ATP8A1: variants seen among roughly 807,000 people sequenced by gnomAD.
ATP8A1 encodes the protein ATPase phospholipid transporting 8A1.
ATP8A1 carries 90 observed loss-of-function variants against 177.7 expected under a neutral mutation model. That is an observed-to-expected ratio of 0.51 (90% CI 0.43 to 0.60). ATP8A1 has a LOEUF of 0.60. ATP8A1 is among the 20% of genes least tolerant of loss of function. ATP8A1 has a pLI of 0.00. For synonymous variants in ATP8A1, 493 were observed against 485.9 expected (o/e 1.01, Z -0.19); for missense variants, 1,072 against 1,392.8 (o/e 0.77, Z 3.67).
intron 33 of ATP8A1, among the ~76,000 whole-genome samples, chr4:42,434,533 T>G (rs1406862591): frequency 6.6e-6 from 1 of 152,228 alleles, no homozygotes; most frequent in Non-Finnish European, 1.5e-5. Context: ...CTTACATGGC[T>G]GAGACTTTTA....
chr4:42,544,403 C>T, intron 19 of ATP8A1, among the ~76,000 whole-genome samples: 1 of 152,140 alleles, frequency 6.6e-6, no homozygotes. Flanking sequence ...AAATGACAAT[C>T]AGTGACACCC....
rs1246401914 is a variant in ATP8A1, at chr4:42,446,093, AAAAAAAGAG to A, written c.2958+481_2958+489del. On this transcript the variant is annotated intron_variant, in intron 31 of 36. Coordinates refer to ENST00000381668, the MANE Select transcript of ATP8A1 (RefSeq NM_006095.2). ...GAAACGCCCTCTCAAAAAAAAAAAA[AAAAAAAGAG>A]AAGAGATATAGTTTGAAATAAATTA... is the stretch of plus-strand genomic sequence containing the variant. Among the ~76,000 whole-genome samples the A allele has an allele frequency of 5.4e-5, 8 of 148,082 alleles. 1 individual carries two copies. The highest frequency in any genetic ancestry group is 1.2e-4 in the Non-Finnish European group (8 of 66,720).
rs186673357 is a variant in ATP8A1, at chr4:42,436,125, C to T, written c.3123+7440G>A. ...CTAGGGCTGAATAGTTAAAGCTGTG[C>T]CGTACCAGGAGCAGGCTTCGTTCAG... On this transcript the variant is annotated intron_variant, in intron 33 of 36. Transcript: ENST00000381668. Among the ~76,000 whole-genome samples the T allele has an allele frequency of 2.0e-4, 31 of 152,242 alleles. 1 individual carries two copies. The highest frequency in any genetic ancestry group is 1.9e-3 in the Admixed American group (29 of 15,310).
chr4:42,438,498 C>T (rs1716256177), intron 33 of ATP8A1, among the ~76,000 whole-genome samples: 1 of 151,832 alleles, frequency 6.6e-6, no homozygotes, highest in African/African-American at 2.4e-5. Context: ...AGGCAAGAGG[C>T]TAGGATATGA....
rs1712557721 is a variant in ATP8A1, at chr4:42,411,163, GT to G, written c.*1752del. On this transcript the variant is annotated 3_prime_UTR_variant, in exon 37 of 37. Coordinates refer to ENST00000381668, the MANE Select transcript of ATP8A1 (RefSeq NM_006095.2). ...CTTGGGAAGTAAAGTATGTAAACGT[GT>G]GTTCCCTTAAGGTTAGAATTATGTA... 1 of 152,142 alleles carries G rather than the reference GT, an allele frequency of 6.6e-6. No individual in the cohort carries two copies. 9.4% of individuals were successfully genotyped at this position (152,142 alleles called of 1,614,324 possible).
rs374824679 is a variant in ATP8A1 at position 42,444,566 on chromosome 4, A to T, written c.3015+12T>A. 2 of 1,612,104 alleles carry T rather than the reference A, an allele frequency of 1.2e-6. No homozygotes were observed. The highest frequency in any genetic ancestry group is 2.2e-5 in the South Asian group (2 of 90,854). ...TGTGACATTTCTTGGTTGTGGTTAGATATTTTCTTACCCATGTCCAATATG... is the reference window on the plus strand; with the variant it reads ...TGTGACATTTCTTGGTTGTGGTTAGTTATTTTCTTACCCATGTCCAATATG... On this transcript the variant is annotated intron_variant, in intron 32 of 36. Transcript: ENST00000381668.
intron 6 of ATP8A1, among the ~76,000 whole-genome samples, chr4:42,596,653 C>T (rs13107093): frequency 0.19 from 25,047 of 130,640 alleles, 2,341 homozygotes; most frequent in Admixed American, 0.22. Flanking sequence ...GGCAACAGAG[C>T]GAGACTCCAT....
intron 24 of ATP8A1, among the ~76,000 whole-genome samples, chr4:42,501,216 A>T (rs758906092): frequency 6.6e-6 from 1 of 152,256 alleles, no homozygotes; most frequent in Non-Finnish European, 1.5e-5. Flanking sequence ...ATTTTCTTAT[A>T]ACAAAAATGA....
rs563854768 is a variant in ATP8A1, at chr4:42,578,129, T to A, written c.1128+131A>T. On this transcript the variant is annotated intron_variant, in intron 12 of 36. Coordinates refer to ENST00000381668, the MANE Select transcript of ATP8A1 (RefSeq NM_006095.2). ...TGAGATGAGGAACTTTGCAACAAAT[T>A]AGGTTCAAAAATCTGATACTGTGGT... 4 of 878,750 alleles carry A rather than the reference T, an allele frequency of 4.6e-6. No individual in the cohort carries two copies. In the South Asian group the frequency reaches 1.0e-4, roughly 23 times the overall value. 54.4% of individuals were successfully genotyped at this position (878,750 alleles called of 1,614,324 possible).
At chr4:42,566,564 T>G (rs1308627104) in intron 15 of ATP8A1, among the ~76,000 whole-genome samples, 1 of 152,206 alleles carries the variant, frequency 6.6e-6, no homozygotes, top group Admixed American at 6.5e-5. Context: ...ACAAACTTGT[T>G]AAATTTTACC....
intron 7 of ATP8A1, among the ~76,000 whole-genome samples, chr4:42,589,294 T>A (rs1577655319): frequency 6.6e-6 from 1 of 152,196 alleles, no homozygotes; most frequent in African/African-American, 2.4e-5. Flanking sequence ...TTTACTAATA[T>A]CACATAAGTA....
intron 33 of ATP8A1, among the ~76,000 whole-genome samples, chr4:42,430,661 G>T (rs936476019): frequency 6.6e-6 from 1 of 152,074 alleles, no homozygotes; most frequent in Non-Finnish European, 1.5e-5. Context: ...CCCAGTGTGT[G>T]TTGCTCCCCT....
intron 10 of ATP8A1, among the ~76,000 whole-genome samples, chr4:42,580,898 T>C (rs146495039): frequency 9.2e-5 from 14 of 152,318 alleles, no homozygotes; most frequent in African/African-American, 3.4e-4. Context: ...AAAATGGTCA[T>C]TTGATTCAAA....
At position 42,422,748 on chromosome 4, in the gene ATP8A1, C is replaced by G. The variant is rs1236794490; in HGVS notation, c.3305+59G>C. 3 of 1,342,578 alleles carry G rather than the reference C, an allele frequency of 2.2e-6. No individual in the cohort carries two copies. In the East Asian group the frequency reaches 6.9e-5, roughly 31 times the overall value. The allele number at this position is 1,342,578 out of a possible 1,614,324, so 83.2% of individuals were successfully genotyped here. On this transcript the variant is annotated intron_variant, in intron 35 of 36. Transcript: ENST00000381668. ...AAGTCTTATCACTTATTTCCAACCA[C>G]TAGTACAAGATAAATTTAAAGTTCA...
chr4:42,514,003 T>A (rs920246149), intron 22 of ATP8A1, among the ~76,000 whole-genome samples: 1 of 152,178 alleles, frequency 6.6e-6, no homozygotes, highest in South Asian at 2.1e-4. Flanking sequence ...CTGGGTATCA[T>A]CCTTGTTTTA....
At chr4:42,608,535 T>C (rs752767126) in intron 5 of ATP8A1, among the ~76,000 whole-genome samples, 1 of 152,028 alleles carries the variant, frequency 6.6e-6, no homozygotes, top group South Asian at 2.1e-4. Context: ...AATTTTTGTA[T>C]TTTTAGTAGA....
chr4:42,564,509 A>T (rs1731162944), intron 15 of ATP8A1, among the ~76,000 whole-genome samples: 1 of 152,146 alleles, frequency 6.6e-6, no homozygotes, highest in Non-Finnish European at 1.5e-5. Context: ...ATCAAAGGGG[A>T]TCATTTTGGA....
chr4:42,609,650 G>C (rs1180729580), intron 5 of ATP8A1, among the ~76,000 whole-genome samples: 2 of 152,126 alleles, frequency 1.3e-5, no homozygotes, highest in African/African-American at 2.4e-5. Context: ...TGATTTGGCA[G>C]CACTTGGTAT....
intron 27 of ATP8A1, among the ~76,000 whole-genome samples, chr4:42,460,804 TC>T (rs1719047612): frequency 6.6e-6 from 1 of 152,192 alleles, no homozygotes; most frequent in African/African-American, 2.4e-5. Flanking sequence ...CCATGGTGGG[TC>T]CTTGACAGGA....
Sources: gnomAD v4.1 joint callset for allele counts (sites outside exome capture counted in the v4.1 genomes callset) on GRCh38, gnomAD v4.1.1 for gene constraint, MANE v1.5 for transcripts, NCBI Gene and HGNC (gene_info 2026-07-23, HGNC 2026-07-21) for gene names.